Variants in LINGO2 observed in about 807,000 individuals in gnomAD.
LINGO2 encodes the protein leucine-rich repeat and immunoglobulin-like domain-containing nogo receptor-interacting protein 2.
Under a neutral mutation model 30.6 loss-of-function variants are expected in LINGO2, and 14 were observed. The ratio of observed to expected loss-of-function variants is 0.46; its 90% CI spans 0.30 to 0.72. LINGO2 has a LOEUF of 0.72. Among genes scored for constraint, LINGO2 ranks in the 30% least tolerant of loss-of-function variants. The probability of loss-of-function intolerance (pLI) is 0.07; values close to 1 mark genes in which losing one functional copy is unlikely to be tolerated. For synonymous variants in LINGO2, 317 were observed against 288.5 expected (o/e 1.10, Z -1.00); for missense variants, 729 against 751.7 (o/e 0.97, Z 0.35).
the LINGO2 span, among the ~76,000 whole-genome samples, chr9:28,863,426 G>A: frequency 2.0e-5 from 3 of 151,994 alleles, no homozygotes; most frequent in African/African-American, 4.8e-5. Flanking sequence ...TGTATATTTA[G>A]GTAAAGTAAC....
downstream of LINGO2, among the ~76,000 whole-genome samples, chr9:27,947,897 G>T (rs773850591): frequency 6.6e-6 from 1 of 152,000 alleles, no homozygotes; most frequent in South Asian, 2.1e-4. Flanking sequence ...CTATTAACCC[G>T]CTAATAGTGA....
At chr9:28,669,896 T>A (rs1217456589) in intron 1 of LINGO2, among the ~76,000 whole-genome samples, 1 of 151,966 alleles carries the variant, frequency 6.6e-6, no homozygotes, top group Non-Finnish European at 1.5e-5. Context: ...TTTTAATGGA[T>A]AAAAATGACA....
chr9:28,836,798 C>T, the LINGO2 span, among the ~76,000 whole-genome samples: 154 of 152,130 alleles, frequency 1.0e-3, no homozygotes, highest in African/African-American at 3.2e-3. Context: ...TCTTCCTGAC[C>T]TTACATCATT....
chr9:27,962,912 C>T (rs1013712584), intron 5 of LINGO2, among the ~76,000 whole-genome samples: 11 of 152,126 alleles, frequency 7.2e-5, no homozygotes, highest in African/African-American at 2.7e-4. Context: ...CCTTTTAAAA[C>T]CTAGCATGTA....
chr9:28,290,524 G>A (rs1444227828), intron 4 of LINGO2, among the ~76,000 whole-genome samples: 6 of 152,116 alleles, frequency 3.9e-5, no homozygotes, highest in East Asian at 1.9e-4. Flanking sequence ...CAACAATATC[G>A]CCAAGGAAGA....
At chr9:28,752,431 T>C in the LINGO2 span, among the ~76,000 whole-genome samples, 3 of 152,044 alleles carry the variant, frequency 2.0e-5, no homozygotes, top group Non-Finnish European at 4.4e-5. Context: ...GAACATTTGA[T>C]GACACATGAT....
the LINGO2 span, among the ~76,000 whole-genome samples, chr9:28,883,628 G>GTGTATATATATATATA: frequency 6.2e-5 from 4 of 64,178 alleles, no homozygotes; most frequent in African/African-American, 1.7e-4. Context: ...ATGTGTGTGT[G>GTGTATATATATATATA]TATATATATA....
At chr9:28,964,624 T>C in the LINGO2 span, among the ~76,000 whole-genome samples, 2 of 151,910 alleles carry the variant, frequency 1.3e-5, no homozygotes, top group African/African-American at 2.4e-5. Context: ...CAGATCATTG[T>C]AGAGACAAGG....
intron 1 of LINGO2, among the ~76,000 whole-genome samples, chr9:28,486,060 GCA>G (rs1332901106): frequency 6.6e-6 from 1 of 152,024 alleles, no homozygotes; most frequent in East Asian, 1.9e-4. Flanking sequence ...AGGAGAAAAG[GCA>G]CATACTCTCG....
chr9:29,173,145 C>G, the LINGO2 span, among the ~76,000 whole-genome samples: 3 of 151,902 alleles, frequency 2.0e-5, no homozygotes, highest in South Asian at 2.1e-4. Context: ...TTTCACCCAA[C>G]CTTTGGGTGC....
At chr9:28,190,281 G>T (rs1357419682) in intron 4 of LINGO2, among the ~76,000 whole-genome samples, 2 of 152,146 alleles carry the variant, frequency 1.3e-5, no homozygotes, top group Admixed American at 6.5e-5. Flanking sequence ...TTTCTCGGAA[G>T]AAGTTAGTAG....
chr9:28,157,494 C>T (rs1008193884), intron 4 of LINGO2, among the ~76,000 whole-genome samples: 3 of 152,302 alleles, frequency 2.0e-5, no homozygotes, highest in South Asian at 4.1e-4. Flanking sequence ...AGGCCTCTGA[C>T]GTGCCCTGGA....
downstream of LINGO2, chr9:27,944,306 T>C (rs1563838234): frequency 6.6e-6 from 1 of 152,166 alleles, no homozygotes; most frequent in African/African-American, 2.4e-5. Context: ...CAGTGTTTAT[T>C]AGGTTAATTG....
At chr9:29,060,712 G>T in the LINGO2 span, among the ~76,000 whole-genome samples, 2 of 151,294 alleles carry the variant, frequency 1.3e-5, no homozygotes, top group Non-Finnish European at 3.0e-5. Flanking sequence ...CATTAAAAAA[G>T]AACTGACTGG....
intron 4 of LINGO2, among the ~76,000 whole-genome samples, chr9:28,064,782 C>G (rs1189103384): frequency 6.6e-6 from 1 of 152,034 alleles, no homozygotes; most frequent in East Asian, 1.9e-4. Flanking sequence ...ATCTGCTTGC[C>G]CAAACAAAAC....
the LINGO2 span, among the ~76,000 whole-genome samples, chr9:29,085,281 T>TAAAAAAAAAAAA: frequency 1.4e-4 from 11 of 77,030 alleles, no homozygotes; most frequent in Non-Finnish European, 2.1e-4. Context: ...CTATGGTAAG[T>TAAAAAAAAAAAA]AAAAAAAAAA....
chr9:28,514,651 G>C (rs913804651), intron 1 of LINGO2, among the ~76,000 whole-genome samples: 74 of 152,266 alleles, frequency 4.9e-4, no homozygotes, highest in African/African-American at 1.8e-3. Flanking sequence ...GTAGATGTTA[G>C]TTCATGAAGT....
At chr9:27,995,771 G>A (rs1309946401) in intron 5 of LINGO2, among the ~76,000 whole-genome samples, 1 of 151,988 alleles carries the variant, frequency 6.6e-6, no homozygotes, top group Middle Eastern at 3.2e-3. Flanking sequence ...ATACTGAATG[G>A]GGCAAAATTG....
chr9:28,003,892 G>C (rs1304144960), intron 5 of LINGO2, among the ~76,000 whole-genome samples: 4 of 152,138 alleles, frequency 2.6e-5, no homozygotes, highest in Admixed American at 2.6e-4. Flanking sequence ...TCTTGGTTGG[G>C]ACCGAGTTTG....
Sources: allele counts gnomAD v4.1 joint callset (sites outside exome capture counted in the v4.1 genomes callset), GRCh38; gene constraint gnomAD v4.1.1; transcripts MANE v1.5; gene names NCBI Gene and HGNC (gene_info 2026-07-23, HGNC 2026-07-21).